Variants in ORC5 observed in about 807,000 individuals in gnomAD.
The protein encoded by ORC5 is protein phosphatase 1, regulatory subunit 117.
ORC5 carries 39 observed loss-of-function variants against 58.8 expected under a neutral mutation model. That is an observed-to-expected ratio of 0.66 (90% CI 0.51 to 0.87). The LOEUF (loss-of-function observed/expected upper bound fraction) is 0.87. ORC5 is among the 40% of genes least tolerant of loss of function. The pLI, the probability that ORC5 is intolerant of heterozygous loss-of-function variation, is 0.00. For missense variants in ORC5, 493 were observed against 506.3 expected (o/e 0.97, Z 0.25); for synonymous variants, 218 against 177.6 (o/e 1.23, Z -1.81).
At chr7:104,156,409 CTACAA>C (rs1274821060) in intron 12 of ORC5, among the ~76,000 whole-genome samples, 2 of 151,608 alleles carry the variant, frequency 1.3e-5, no homozygotes, top group Admixed American at 6.6e-5. Flanking sequence ...ATAATGCCAA[CTACAA>C]TACAATATTG....
intron 8 of ORC5, among the ~76,000 whole-genome samples, chr7:104,183,241 C>T (rs1253920254): frequency 1.3e-5 from 2 of 152,236 alleles, no homozygotes; most frequent in South Asian, 2.1e-4. Context: ...AACTTAACAA[C>T]GGACTCTAGG....
At chr7:104,193,964 ACATT>A (rs1799736388) in intron 5 of ORC5, among the ~76,000 whole-genome samples, 1 of 151,760 alleles carries the variant, frequency 6.6e-6, no homozygotes, top group Non-Finnish European at 1.5e-5. Flanking sequence ...GTAATTACTT[ACATT>A]AATTCAACTT....
chr7:104,161,800 T>C (rs1486659959), intron 11 of ORC5, among the ~76,000 whole-genome samples: 1 of 152,184 alleles, frequency 6.6e-6, no homozygotes, highest in South Asian at 2.1e-4. Flanking sequence ...GCCTCCTATT[T>C]TACTGTTATA....
chr7:104,195,213 A>G lies in ORC5; in HGVS notation c.483T>C (p.Val161=). Residue 161 remains valine, a synonymous_variant, in exon 5 of 14, where the codon GTT becomes GTC. Coordinates refer to ENST00000297431, the MANE Select transcript of ORC5 (RefSeq NM_002553.4). ...NVTVLFLSEI[V]WEKFRPNTGC... ...CAGTATTTGGACGAAACTTTTCCCA[A>G]ACAATTTCACTGAGAAAGAGAACAG... The G allele has an allele frequency of 6.3e-7, 1 of 1,574,900 alleles. No individual in the cohort carries two copies. The highest frequency in any genetic ancestry group is 8.6e-7 in the Non-Finnish European group (1 of 1,166,134).
intron 12 of ORC5, among the ~76,000 whole-genome samples, chr7:104,143,729 G>A (rs1294739175): frequency 1.3e-5 from 2 of 151,966 alleles, no homozygotes; most frequent in African/African-American, 4.8e-5. Flanking sequence ...TTTATCATGT[G>A]AAAATCACTG....
At chr7:104,188,799 T>C (rs1318051585) in intron 5 of ORC5, among the ~76,000 whole-genome samples, 3 of 152,152 alleles carry the variant, frequency 2.0e-5, no homozygotes, top group African/African-American at 7.2e-5. Context: ...GATTGAATCA[T>C]GAGGCAGACT....
Position 104,146,022 on chromosome 7 carries a change from A to G in ORC5, c.1150-9129T>C, listed in dbSNP as rs551420610. On this transcript the variant is annotated intron_variant, in intron 12 of 13. Coordinates refer to ENST00000297431, the MANE Select transcript of ORC5 (RefSeq NM_002553.4). ...TCTGTCACTAGCAGATGACCTTCAAAGAAGAGCAAAAGGAAGTTCTTCAAA... is the reference window on the plus strand; with the variant it reads ...TCTGTCACTAGCAGATGACCTTCAAGGAAGAGCAAAAGGAAGTTCTTCAAA... 7.2e-5 allele frequency among the ~76,000 whole-genome samples: 11 copies of G among 152,388 alleles called. No individual in the cohort carries two copies. In the South Asian group the frequency reaches 2.3e-3, roughly 32 times the overall value.
chr7:104,150,206 T>A (rs1584486461), intron 12 of ORC5, among the ~76,000 whole-genome samples: 4 of 152,344 alleles, frequency 2.6e-5, no homozygotes, highest in Admixed American at 2.6e-4. Flanking sequence ...ATTTTTAACA[T>A]GCTCATTATT....
At chr7:104,183,921 T>A in intron 8 of ORC5, 22 bp downstream of exon 8, 1 of 1,452,482 alleles carries the variant, frequency 6.9e-7, no homozygotes. Flanking sequence ...AAAACTAGTA[T>A]GCATACTAAA....
At chr7:104,153,546 T>C (rs1798878731) in intron 12 of ORC5, among the ~76,000 whole-genome samples, 1 of 152,226 alleles carries the variant, frequency 6.6e-6, no homozygotes, top group Non-Finnish European at 1.5e-5. Flanking sequence ...GCATTCAAGC[T>C]ATTTTCTATG....
At chr7:104,194,681 G>GA (rs1167086940) in intron 5 of ORC5, among the ~76,000 whole-genome samples, 1 of 151,996 alleles carries the variant, frequency 6.6e-6, no homozygotes, top group African/African-American at 2.4e-5. Flanking sequence ...GGTAAATGAA[G>GA]ATTTCAACAC....
intron 11 of ORC5, among the ~76,000 whole-genome samples, chr7:104,161,479 T>C (rs1006299235): frequency 2.0e-5 from 3 of 152,162 alleles, no homozygotes; most frequent in Non-Finnish European, 4.4e-5. Flanking sequence ...CATCCTCCTA[T>C]GTCAGATTCT....
Position 104,164,499 on chromosome 7 carries a change from C to T in ORC5, c.1038+736G>A, listed in dbSNP as rs938733049. Among the ~76,000 whole-genome samples, 6 of 152,166 alleles carry T rather than the reference C, an allele frequency of 3.9e-5. No homozygotes were observed. The East Asian group carries it at 5.8e-4, about 15-fold the overall frequency. On this transcript the variant is annotated intron_variant, in intron 11 of 13. Transcript: ENST00000297431. ...GTTCAAGAACAGTGGTAAACATCAT[C>T]GTAGGCTTTGGAGTCAGGAAGTCCT...
intron 11 of ORC5, among the ~76,000 whole-genome samples, chr7:104,163,176 A>G (rs1176027805): frequency 6.6e-6 from 1 of 152,242 alleles, no homozygotes; most frequent in African/African-American, 2.4e-5. Context: ...AGGCAGAGTC[A>G]GTGCTATGTG....
intron 5 of ORC5, among the ~76,000 whole-genome samples, chr7:104,192,510 G>T (rs1308508160): frequency 6.6e-6 from 1 of 152,028 alleles, no homozygotes; most frequent in African/African-American, 2.4e-5. Context: ...GGCTACTCTG[G>T]ATCATCTCTC....
chr7:104,188,066 C>A (rs1584514704), intron 6 of ORC5, 185 bp downstream of exon 6: 2 of 993,542 alleles, frequency 2.0e-6, no homozygotes, highest in Non-Finnish European at 2.6e-6. Flanking sequence ...CCACAGACAT[C>A]TACCTTCTTA....
In ORC5 at chr7:104,136,664, T is replaced by TAAATAAG; in HGVS notation, c.1262+116_1262+117insCTTATTT. The TAAATAAG allele has an allele frequency of 1.5e-6, 1 of 649,620 alleles. No individual in the cohort carries two copies. The highest frequency in any genetic ancestry group is 2.7e-5 in the East Asian group (1 of 36,530). 40.2% of individuals were successfully genotyped at this position (649,620 alleles called of 1,614,324 possible). ...TCATTCTATCGTACAGCTTATTCAT[T>TAAATAAG]CTTGGCACTTAAATAGATGATTTTT... On this transcript the variant is annotated intron_variant, in intron 13 of 13. Transcript: ENST00000297431. The surrounding 1 kb of genome is among the most constrained non-coding windows in gnomAD (Gnocchi z 4.2).
intron 12 of ORC5, among the ~76,000 whole-genome samples, chr7:104,148,209 A>G (rs1176219165): frequency 1.3e-5 from 2 of 152,202 alleles, no homozygotes; most frequent in Non-Finnish European, 2.9e-5. Flanking sequence ...AGAGGTGAGT[A>G]AATTGCTCAA....
At chr7:104,206,144 C>T (rs1354624640) in intron 1 of ORC5, among the ~76,000 whole-genome samples, 4 of 152,138 alleles carry the variant, frequency 2.6e-5, no homozygotes, top group Non-Finnish European at 4.4e-5. Context: ...TTGAACTGTT[C>T]CACTGTTATT....
Sources: gnomAD v4.1 joint callset for allele counts (sites outside exome capture counted in the v4.1 genomes callset) on GRCh38, gnomAD v4.1.1 for gene constraint, Gnocchi (gnomAD v3.1) non-coding constraint, MANE v1.5 for transcripts, NCBI Gene and HGNC (gene_info 2026-07-23, HGNC 2026-07-21) for gene names.